SLC26A8: variants seen among roughly 807,000 people sequenced by gnomAD.
SLC26A8 encodes testis anion transporter 1.
Under a neutral mutation model 105.0 loss-of-function variants are expected in SLC26A8, and 70 were observed. The observed-to-expected ratio is 0.67, with a 90% CI of 0.55 to 0.81. The LOEUF (loss-of-function observed/expected upper bound fraction) is 0.81, where lower values mean the gene tolerates loss of function less well. Among genes scored for constraint, SLC26A8 ranks in the 40% least tolerant of loss-of-function variants. SLC26A8 has a pLI of 0.00. For missense variants in SLC26A8, 998 were observed against 1,181.8 expected (o/e 0.84, Z 2.28); for synonymous variants, 415 against 438.3 (o/e 0.95, Z 0.66).
intron 5 of SLC26A8, among the ~76,000 whole-genome samples, chr6:35,995,030 T>C (rs1261524302): frequency 1.3e-5 from 2 of 152,228 alleles, no homozygotes; most frequent in Non-Finnish European, 2.9e-5. Flanking sequence ...TGAACCTCAG[T>C]TTCCTCATCT....
chr6:35,957,407 G>A (rs58840870), intron 16 of SLC26A8, among the ~76,000 whole-genome samples: 2,861 of 151,822 alleles, frequency 0.019, 102 homozygotes, highest in African/African-American at 0.066. Flanking sequence ...AACAATATGA[G>A]GTAGTATATA....
intron 8 of SLC26A8, among the ~76,000 whole-genome samples, chr6:35,978,146 GA>G (rs199662420): frequency 0.11 from 7,204 of 65,700 alleles, 184 homozygotes; most frequent in Middle Eastern, 0.2. Context: ...AGCACAAGAA[GA>G]AAAAAAAAAA....
chr6:35,987,362 C>T (rs908605707), intron 7 of SLC26A8, among the ~76,000 whole-genome samples: 3 of 152,094 alleles, frequency 2.0e-5, no homozygotes, highest in Admixed American at 2.0e-4. Flanking sequence ...CTAATTTCAC[C>T]TAGGGATTCC....
intron 3 of SLC26A8, among the ~76,000 whole-genome samples, chr6:36,004,221 T>A (rs1191397285): frequency 6.6e-6 from 1 of 151,740 alleles, no homozygotes; most frequent in Non-Finnish European, 1.5e-5. Context: ...ACTACAGGTA[T>A]GCACCACCAT....
chr6:35,955,025 A>T, intron 17 of SLC26A8, 127 bp downstream of exon 17: 1 of 1,058,160 alleles, frequency 9.5e-7, no homozygotes, highest in Non-Finnish European at 1.4e-6. Flanking sequence ...TTGGTGTCCA[A>T]GGCTCTGGTG....
chr6:35,997,607 G>T, intron 5 of SLC26A8, 131 bp downstream of exon 5: 1 of 945,228 alleles, frequency 1.1e-6, no homozygotes, highest in Non-Finnish European at 1.5e-6. Context: ...CACAGCCTCT[G>T]ATTTTTCAAA....
rs539349435 is a variant in SLC26A8 at position 35,996,195 on chromosome 6, C to A, written c.627+1543G>T. Reference sequence around the variant, plus strand: ...ATTCACACAGCTCATAGTGTCAGGGCTGGAGTCTGCCCACTTTGATAGCCT... The same window carrying A: ...ATTCACACAGCTCATAGTGTCAGGGATGGAGTCTGCCCACTTTGATAGCCT... On this transcript the variant is annotated intron_variant, in intron 5 of 19. Coordinates refer to ENST00000490799, the MANE Select transcript of SLC26A8 (RefSeq NM_052961.4). 2.6e-5 allele frequency among the ~76,000 whole-genome samples: 4 copies of A among 152,234 alleles called. No individual in the cohort carries two copies. In the East Asian group the frequency reaches 7.7e-4, roughly 29 times the overall value.
At chr6:36,004,844 T>C (rs1174774389) in intron 3 of SLC26A8, among the ~76,000 whole-genome samples, 1 of 144,638 alleles carries the variant, frequency 6.9e-6, no homozygotes, top group African/African-American at 2.6e-5. Context: ...TTTTTTTTTT[T>C]AGTAGAGACA....
chr6:36,012,497 G>A (rs925663988), intron 2 of SLC26A8, 125 bp from the exon 3 acceptor site: 12 of 1,023,854 alleles, frequency 1.2e-5, no homozygotes, highest in Non-Finnish European at 2.8e-6. Context: ...ATGAGAGTTT[G>A]ACATATTGGA....
chr6:36,012,421 C>T (rs781713389), intron 2 of SLC26A8, 49 bp from the exon 3 acceptor site: 1 of 1,527,518 alleles, frequency 6.5e-7, no homozygotes, highest in East Asian at 2.4e-5. Flanking sequence ...AAAGAAAATG[C>T]CCGCATAGCC....
chr6:35,952,103 G>A (rs1291187256), intron 17 of SLC26A8, among the ~76,000 whole-genome samples: 1 of 152,166 alleles, frequency 6.6e-6, no homozygotes, highest in Admixed American at 6.5e-5. Context: ...TATCAAGACA[G>A]GACGTCTGCA....
At chr6:35,982,329 G>T (rs1773306020) in intron 7 of SLC26A8, 126 bp from the exon 8 acceptor site, 2 of 813,878 alleles carry the variant, frequency 2.5e-6, no homozygotes, top group African/African-American at 3.4e-5. Flanking sequence ...CAGTCCCTAT[G>T]CATGCAAGTT....
intron 8 of SLC26A8, among the ~76,000 whole-genome samples, chr6:35,979,726 T>C (rs1773196320): frequency 6.6e-6 from 1 of 152,180 alleles, no homozygotes; most frequent in South Asian, 2.1e-4. Flanking sequence ...TAAACTACTG[T>C]TTTTCCTTTC....
intron 2 of SLC26A8, among the ~76,000 whole-genome samples, chr6:36,019,179 G>T (rs911856672): frequency 6.6e-6 from 1 of 152,108 alleles, no homozygotes; most frequent in Non-Finnish European, 1.5e-5. Flanking sequence ...GCCTGCCTTG[G>T]CCTCCTGAAG....
At chr6:36,009,584 A>T (rs1581694228) in intron 3 of SLC26A8, among the ~76,000 whole-genome samples, 3 of 152,236 alleles carry the variant, frequency 2.0e-5, no homozygotes, top group Non-Finnish European at 4.4e-5. Flanking sequence ...AGGGAAAAAA[A>T]CCAATACCAA....
At chr6:36,022,701 C>T (rs1164673936) in intron 1 of SLC26A8, among the ~76,000 whole-genome samples, 3 of 152,056 alleles carry the variant, frequency 2.0e-5, no homozygotes, top group Non-Finnish European at 2.9e-5. Flanking sequence ...GTCTGGCTAA[C>T]AGCAGCAAGG....
chr6:35,988,621 C>T (rs895324282), intron 7 of SLC26A8, among the ~76,000 whole-genome samples: 3 of 151,460 alleles, frequency 2.0e-5, no homozygotes, highest in South Asian at 4.2e-4. Context: ...GGTGACAGAG[C>T]GAGATTCTGC....
At chr6:35,992,478 T>C in intron 6 of SLC26A8, 32 bp downstream of exon 6, 1 of 1,589,228 alleles carries the variant, frequency 6.3e-7, no homozygotes, top group Non-Finnish European at 8.6e-7. Context: ...GAGTGGCATT[T>C]GTAACTCTGG....
intron 17 of SLC26A8, among the ~76,000 whole-genome samples, chr6:35,953,835 C>G (rs1771960957): frequency 6.6e-6 from 1 of 152,204 alleles, no homozygotes; most frequent in Admixed American, 6.6e-5. Flanking sequence ...AACCAGAGTT[C>G]TTTCTGCTAT....
Sources: gnomAD v4.1 joint callset for allele counts (sites outside exome capture counted in the v4.1 genomes callset) on GRCh38, gnomAD v4.1.1 for gene constraint, MANE v1.5 for transcripts, NCBI Gene and HGNC (gene_info 2026-07-23, HGNC 2026-07-21) for gene names.